The following DIP2A variants were observed in gnomAD, a reference collection of about 807,000 sequenced individuals.
DIP2A encodes disco-interacting protein 2 homolog A.
A neutral mutation model predicts 177.4 loss-of-function variants in DIP2A; 85 were observed. That is an observed-to-expected ratio of 0.48 (90% CI 0.40 to 0.57). DIP2A has a LOEUF of 0.57. DIP2A is among the 20% of genes least tolerant of loss of function. The pLI is 0.00. For missense variants in DIP2A, 1,791 were observed against 2,100.2 expected, an observed-to-expected ratio of 0.85 and a Z score of 2.88; for synonymous variants, 886 against 881.8, an observed-to-expected ratio of 1.00 and a Z score of -0.08.
the DIP2A span, among the ~76,000 whole-genome samples, chr21:46,576,281 G>A: frequency 7.9e-5 from 12 of 151,976 alleles, no homozygotes; most frequent in African/African-American, 2.4e-4. Context: ...CTCCCCCAGT[G>A]TCCCCCCAAC....
intron 32 of DIP2A, among the ~76,000 whole-genome samples, chr21:46,560,003 A>G (rs2060611899): frequency 6.6e-6 from 1 of 152,244 alleles, no homozygotes; most frequent in East Asian, 1.9e-4. Context: ...TTGACATATT[A>G]CAAAAGCTCC....
At chr21:46,467,189 G>T (rs867017937) in intron 1 of DIP2A, among the ~76,000 whole-genome samples, 41 of 151,540 alleles carry the variant, frequency 2.7e-4, no homozygotes, top group Non-Finnish European at 5.6e-4. Context: ...CCAGCTGCTC[G>T]GGAGGCTGAG....
intron 7 of DIP2A, among the ~76,000 whole-genome samples, 167 bp from the exon 8 acceptor site, chr21:46,511,250 C>A (rs2058296373): frequency 6.6e-6 from 1 of 152,198 alleles, no homozygotes; most frequent in Non-Finnish European, 1.5e-5. Context: ...CTCCTTTAAT[C>A]CTTTGGTTAG....
rs1478207763 is a variant in DIP2A, at chr21:46,511,003, TG to T, written c.905-412del. Among the ~76,000 whole-genome samples the T allele has an allele frequency of 2.0e-5, 3 of 152,196 alleles. No homozygotes were observed. The East Asian group carries it at 5.8e-4, about 29-fold the overall frequency. On this transcript the variant is annotated intron_variant, in intron 7 of 37. Transcript: ENST00000417564. The stretch of plus-strand genomic sequence containing the variant: ...AGTTGTTTGGATCCCTAGGCTGAAG[TG>T]GTGGTTCTGCTTGCTTTCCTCCTGT...
rs117384111 is a variant in DIP2A at position 46,557,497 on chromosome 21, G to A, written c.3630-88G>A. 15,196 of 1,443,554 alleles carry A rather than the reference G, an allele frequency of 0.011. 99 individuals are homozygous for A. Among genetic ancestry groups the A allele is most frequent in the Non-Finnish European group, 0.013 (13,680 of 1,075,782 alleles). 89.4% of individuals were successfully genotyped at this position (1,443,554 alleles called of 1,614,324 possible). On this transcript the variant is annotated intron_variant, in intron 30 of 37. Coordinates refer to ENST00000417564, the MANE Select transcript of DIP2A (RefSeq NM_015151.4). This position sits in a 1 kb window ranked among gnomAD's most constrained non-coding sequence, Gnocchi z 6.0. ...AGAAATCATGCCCCTGTTGTGGCTG[G>A]AAAAGAAGTGTTCTTGAGGAAGGGA...
intron 3 of DIP2A, among the ~76,000 whole-genome samples, chr21:46,493,172 G>T (rs1643533599): frequency 6.6e-6 from 1 of 152,220 alleles, no homozygotes; most frequent in South Asian, 2.1e-4. Context: ...AGACTAAGAT[G>T]CTGGTGTTGA....
Position 46,528,527 on chromosome 21 carries a change from C to CTTTTTTTTTTTTTTT in DIP2A, c.1103-538_1103-524dup, listed in dbSNP as rs1162872343. Among the ~76,000 whole-genome samples, 4 of 29,402 alleles carry CTTTTTTTTTTTTTTT rather than the reference C, an allele frequency of 1.4e-4. 1 individual carries two copies. The highest frequency in any genetic ancestry group is 2.2e-4 in the Non-Finnish European group (4 of 17,974). The allele number at this position is 29,402 out of a possible 152,430, so 19.3% of individuals were successfully genotyped here. Reference sequence around the variant, plus strand: ...ACCAAATACTGACTTTTTCTGCTTGCTTTTTTTTTTTTTTTTTTTTTTTTT... The same window carrying CTTTTTTTTTTTTTTT: ...ACCAAATACTGACTTTTTCTGCTTGCTTTTTTTTTTTTTTTTTTTTTTTTTTTTTTTTTTTTTTTT... On this transcript the variant is annotated intron_variant, in intron 8 of 37. Coordinates refer to ENST00000417564, the MANE Select transcript of DIP2A (RefSeq NM_015151.4).
At chr21:46,464,650 C>T (rs928097254) in intron 1 of DIP2A, among the ~76,000 whole-genome samples, 4 of 151,910 alleles carry the variant, frequency 2.6e-5, no homozygotes, top group Admixed American at 2.6e-4. Context: ...AATGTGTGGA[C>T]GAGAGAGGAA....
At chr21:46,461,039 G>T (rs1477646983) in intron 1 of DIP2A, among the ~76,000 whole-genome samples, 4 of 151,580 alleles carry the variant, frequency 2.6e-5, no homozygotes, top group Non-Finnish European at 5.9e-5. Flanking sequence ...GTACACAGTG[G>T]CTCATGCTTG....
At chr21:46,520,090 G>A (rs11508685) in intron 8 of DIP2A, among the ~76,000 whole-genome samples, 7,875 of 151,736 alleles carry the variant, frequency 0.052, 324 homozygotes, top group Non-Finnish European at 0.084. Context: ...TAGCCAGGAC[G>A]GTCTCGATCT....
At position 46,554,009 on chromosome 21, in the gene DIP2A, A is replaced by G. The variant is rs1157460064; in HGVS notation, c.3031-160A>G. On this transcript the variant is annotated intron_variant, in intron 25 of 37. Transcript: ENST00000417564. ...TGAAACCCCATCTCTACCAAAAAAAAGACACCAGCCGTACGTCTAGGACTG... is the reference window on the plus strand; with the variant it reads ...TGAAACCCCATCTCTACCAAAAAAAGGACACCAGCCGTACGTCTAGGACTG... 19 of 979,852 alleles carry G rather than the reference A, an allele frequency of 1.9e-5. No individual in the cohort carries two copies. In the East Asian group the frequency reaches 5.0e-4, roughly 26 times the overall value. 60.7% of individuals were successfully genotyped at this position (979,852 alleles called of 1,614,324 possible).
rs566028916 is a variant in DIP2A, at chr21:46,557,308, C to A, written c.3629+239C>A. The A allele has an allele frequency of 3.2e-5, 20 of 626,840 alleles. No individual in the cohort carries two copies. The South Asian group carries it at 3.9e-4, about 12-fold the overall frequency. The allele number at this position is 626,840 out of a possible 1,614,324, so 38.8% of individuals were successfully genotyped here. A position where few individuals can be genotyped will look rare whatever the true frequency, so the allele number is the denominator to read the frequency against. ...GAAGAATCTGCTTGATTCCTTCAAACACTAGAAAGTGGCGATCCGTCTCTA... is the reference window on the plus strand; with the variant it reads ...GAAGAATCTGCTTGATTCCTTCAAAAACTAGAAAGTGGCGATCCGTCTCTA... On this transcript the variant is annotated intron_variant, in intron 30 of 37. Transcript: ENST00000417564. The surrounding 1 kb of genome is among the most constrained non-coding windows in gnomAD (Gnocchi z 6.0).
At chr21:46,504,293 T>C in intron 5 of DIP2A, 68 bp from the exon 6 acceptor site, 1 of 1,589,668 alleles carries the variant, frequency 6.3e-7, no homozygotes, top group Non-Finnish European at 8.6e-7. Flanking sequence ...TAACGGGGTT[T>C]CAAGAGCAGC....
rs558266242 is a variant in DIP2A, at chr21:46,568,872, A to G, written c.*1250A>G. 1 of 152,310 alleles carries G rather than the reference A, an allele frequency of 6.6e-6. No individual in the cohort carries two copies. The highest frequency in any genetic ancestry group is 2.4e-5 in the African/African-American group (1 of 41,558). The allele number at this position is 152,310 out of a possible 1,614,324, so 9.4% of individuals were successfully genotyped here. A position where few individuals can be genotyped will look rare whatever the true frequency, so the allele number is the denominator to read the frequency against. On this transcript the variant is annotated 3_prime_UTR_variant, in exon 38 of 38. Transcript: ENST00000417564. ...CAGGGAACAGCATTGCCCCGTATTG[A>G]AGGTGGAGATGGTTACATTCTTCAC...
At chr21:46,536,857 T>G (rs532246731) in intron 13 of DIP2A, among the ~76,000 whole-genome samples, 22 of 151,710 alleles carry the variant, frequency 1.5e-4, no homozygotes, top group African/African-American at 5.1e-4. Context: ...TGAGCTGAGA[T>G]TGCTCCATTG....
intron 18 of DIP2A, among the ~76,000 whole-genome samples, chr21:46,543,313 G>A (rs943133378): frequency 1.3e-5 from 2 of 152,214 alleles, no homozygotes; most frequent in African/African-American, 4.8e-5. Flanking sequence ...TCATGATGAG[G>A]TCATGATTCT....
chr21:46,485,887 A>G (rs1036649091), intron 2 of DIP2A, among the ~76,000 whole-genome samples: 7 of 151,870 alleles, frequency 4.6e-5, no homozygotes, highest in Non-Finnish European at 8.8e-5. Flanking sequence ...CCTGGCCAAC[A>G]TAGGGAAGCC....
At chr21:46,522,801 T>C (rs954678250) in intron 8 of DIP2A, among the ~76,000 whole-genome samples, 1 of 152,216 alleles carries the variant, frequency 6.6e-6, no homozygotes, top group Non-Finnish European at 1.5e-5. Context: ...ACAGAGGTTC[T>C]TCCCAAAATG....
At chr21:46,525,697 A>G (rs1410450697) in intron 8 of DIP2A, 3 of 152,064 alleles carry the variant, frequency 2.0e-5, no homozygotes, top group African/African-American at 7.3e-5. Flanking sequence ...AGGATGACAC[A>G]CTTTTGTGAA....
Sources: allele counts gnomAD v4.1 joint callset (sites outside exome capture counted in the v4.1 genomes callset), GRCh38; gene constraint gnomAD v4.1.1; non-coding constraint Gnocchi (gnomAD v3.1); transcripts MANE v1.5; gene names NCBI Gene and HGNC (gene_info 2026-07-23, HGNC 2026-07-21).